GALNT13: variants seen among roughly 807,000 people sequenced by gnomAD.
The protein encoded by GALNT13 is polypeptide N-acetylgalactosaminyltransferase 13, also known as UDP-GalNAc:polypeptide N-acetylgalactosaminyltransferase 13.
In GALNT13, 28 loss-of-function variants were observed where a neutral mutation model predicts 64.2. The observed-to-expected ratio is 0.44, with a 90% CI of 0.32 to 0.60. The LOEUF (loss-of-function observed/expected upper bound fraction) is 0.60. Among genes scored for constraint, GALNT13 ranks in the 20% least tolerant of loss-of-function variants. GALNT13 has a pLI of 0.05. For missense variants in GALNT13, 577 were observed against 669.8 expected (o/e 0.86, Z 1.53); for synonymous variants, 214 against 224.6 (o/e 0.95, Z 0.42).
chr2:153,513,794 G>A, the GALNT13 span, among the ~76,000 whole-genome samples: 26 of 152,208 alleles, frequency 1.7e-4, no homozygotes, highest in South Asian at 2.1e-4. Context: ...TTCCTAACCC[G>A]GAAGACACTT....
At chr2:153,310,856 A>G in the GALNT13 span, among the ~76,000 whole-genome samples, 2 of 152,200 alleles carry the variant, frequency 1.3e-5, no homozygotes, top group Non-Finnish European at 2.9e-5. Flanking sequence ...TCAGTGATGC[A>G]AGAATGGCTA....
At chr2:153,195,103 G>C in the GALNT13 span, among the ~76,000 whole-genome samples, 1 of 152,116 alleles carries the variant, frequency 6.6e-6, no homozygotes, top group Non-Finnish European at 1.5e-5. Context: ...GGGATGAGTG[G>C]GTGTGTGAGT....
intron 1 of GALNT13, among the ~76,000 whole-genome samples, chr2:153,874,129 C>T (rs1317478841): frequency 1.5e-5 from 2 of 134,174 alleles, no homozygotes; most frequent in African/African-American, 2.9e-5. Flanking sequence ...TCTTTCCCCA[C>T]GTCTCCTGCA....
At chr2:154,302,094 G>C (rs1217236412) in intron 9 of GALNT13, among the ~76,000 whole-genome samples, 1 of 151,966 alleles carries the variant, frequency 6.6e-6, no homozygotes, top group Admixed American at 6.6e-5. Flanking sequence ...GGCTATCAGT[G>C]GGTGGTAGGA....
At chr2:153,401,684 C>G in the GALNT13 span, among the ~76,000 whole-genome samples, 1 of 148,018 alleles carries the variant, frequency 6.8e-6, no homozygotes, top group Middle Eastern at 3.6e-3. Context: ...TATGTAATGG[C>G]CTTCTTTGTC....
chr2:153,143,237 A>C, the GALNT13 span, among the ~76,000 whole-genome samples: 2 of 152,008 alleles, frequency 1.3e-5, no homozygotes, highest in African/African-American at 4.8e-5. Flanking sequence ...GGTCGAATGT[A>C]CATGTCTCTA....
the GALNT13 span, among the ~76,000 whole-genome samples, chr2:153,247,397 C>G: frequency 6.6e-6 from 1 of 152,192 alleles, no homozygotes; most frequent in East Asian, 1.9e-4. Context: ...ATAAAACATT[C>G]CTCAGCAAAT....
At chr2:153,480,174 A>C in the GALNT13 span, among the ~76,000 whole-genome samples, 5 of 152,230 alleles carry the variant, frequency 3.3e-5, no homozygotes, top group Non-Finnish European at 7.3e-5. Context: ...AATAAAACTG[A>C]AAAATAGTAG....
chr2:153,193,003 T>C, the GALNT13 span, among the ~76,000 whole-genome samples: 1 of 152,132 alleles, frequency 6.6e-6, no homozygotes, highest in Admixed American at 6.5e-5. Flanking sequence ...TTATTATTGA[T>C]ATGTGAGGAC....
the GALNT13 span, among the ~76,000 whole-genome samples, chr2:153,816,107 T>C: frequency 6.6e-6 from 1 of 152,166 alleles, no homozygotes; most frequent in Non-Finnish European, 1.5e-5. Context: ...AACAAAGAAA[T>C]ATGTACTGTG....
At position 154,450,509 on chromosome 2, in the gene GALNT13, A is replaced by T. The variant is rs139146975; in HGVS notation, c.1629A>T (p.Arg543Ser). Reference sequence around the variant, plus strand: ...CAATGCAGGACTGTAGTGGAAGCAGATCCCAACAGTGGCTGCTAAGGAACA... The same window carrying T: ...CAATGCAGGACTGTAGTGGAAGCAGTTCCCAACAGTGGCTGCTAAGGAACA... ...VPTMQDCSGS[R>S]SQQWLLRNMT... Residue 543 changes from arginine to serine, a missense_variant, in exon 13 of 13, where the codon AGA (arginine) becomes AGT (serine). By Grantham distance (110) the Arg-to-Ser change is moderately radical. Around this residue, in one of 3 missense-constraint regions of GALNT13, gnomAD observed 232 missense variants for 270.6 expected, o/e 0.86. Coordinates refer to ENST00000392825, the MANE Select transcript of GALNT13 (RefSeq NM_052917.4). 6.2e-7 allele frequency: 1 copy of T among 1,612,162 alleles called. No individual in the cohort carries two copies. The highest frequency in any genetic ancestry group is 1.3e-5 in the African/African-American group (1 of 74,828).
chr2:153,580,650 T>A, the GALNT13 span, among the ~76,000 whole-genome samples: 1 of 152,316 alleles, frequency 6.6e-6, no homozygotes, highest in East Asian at 1.9e-4. Context: ...TGCTTTATCT[T>A]GTGAGGGAAA....
chr2:153,314,556 A>G, the GALNT13 span, among the ~76,000 whole-genome samples: 1 of 152,158 alleles, frequency 6.6e-6, no homozygotes, highest in Admixed American at 6.5e-5. Context: ...AACTCAATAA[A>G]TTTAAAAACA....
At chr2:153,896,501 ACT>A (rs1687905829) in intron 1 of GALNT13, among the ~76,000 whole-genome samples, 1 of 151,872 alleles carries the variant, frequency 6.6e-6, no homozygotes, top group Non-Finnish European at 1.5e-5. Context: ...GTAAGCTATC[ACT>A]CTGGATTTCT....
chr2:153,684,069 AATATATAT>A, the GALNT13 span, among the ~76,000 whole-genome samples: 1 of 148,400 alleles, frequency 6.7e-6, no homozygotes, highest in Admixed American at 6.8e-5. Flanking sequence ...TCTTCATAAT[AATATATAT>A]ATATATATAT....
the GALNT13 span, among the ~76,000 whole-genome samples, chr2:153,069,133 C>CAT: frequency 6.6e-6 from 1 of 152,164 alleles, no homozygotes; most frequent in East Asian, 1.9e-4. Flanking sequence ...ACCTCTTTGA[C>CAT]CTTCAGCGTC....
the GALNT13 span, among the ~76,000 whole-genome samples, chr2:153,806,701 G>T: frequency 6.6e-6 from 1 of 150,654 alleles, no homozygotes; most frequent in African/African-American, 2.4e-5. Context: ...AAAAAAATAG[G>T]CAGAGGAACA....
chr2:153,319,610 T>C, the GALNT13 span, among the ~76,000 whole-genome samples: 2 of 152,174 alleles, frequency 1.3e-5, no homozygotes, highest in Admixed American at 6.6e-5. Flanking sequence ...GATTTAAATA[T>C]AGTGATTAAC....
chr2:153,295,977 C>T, the GALNT13 span, among the ~76,000 whole-genome samples: 1 of 152,130 alleles, frequency 6.6e-6, no homozygotes, highest in Non-Finnish European at 1.5e-5. Context: ...TTTGGCATAG[C>T]AAGGGTCAAG....
Sources: gnomAD v4.1 joint callset for allele counts (sites outside exome capture counted in the v4.1 genomes callset) on GRCh38, gnomAD v4.1.1 for gene constraint, gnomAD v4.1.1 regional missense constraint, MANE v1.5 for transcripts, NCBI Gene and HGNC (gene_info 2026-07-23, HGNC 2026-07-21) for gene names.